Variants in MAF observed in about 807,000 individuals in gnomAD.
The protein encoded by MAF is MAF bZIP transcription factor.
In MAF, 10 loss-of-function variants were observed where a neutral mutation model predicts 22.0. The ratio of observed to expected loss-of-function variants is 0.45; its 90% CI spans 0.28 to 0.77. The LOEUF is 0.77. MAF is among the 30% of genes least tolerant of loss of function. The pLI is 0.12. For missense variants in MAF, 544 were observed against 548.4 expected (o/e 0.99, Z 0.08); for synonymous variants, 337 against 255.8 (o/e 1.32, Z -3.03).
the MAF span, among the ~76,000 whole-genome samples, chr16:79,350,527 A>T: frequency 1.3e-5 from 2 of 152,110 alleles, no homozygotes; most frequent in Non-Finnish European, 2.9e-5. Flanking sequence ...TTGCAGTTAA[A>T]CGTGATCACC....
At chr16:79,219,548 CAAAAAAAAAAAAA>C in the MAF span, among the ~76,000 whole-genome samples, 9 of 64,710 alleles carry the variant, frequency 1.4e-4, no homozygotes, top group Admixed American at 9.9e-4. Context: ...GACTCTGCCT[CAAAAAAAAAAAAA>C]AAAAAAAAAA....
chr16:79,219,506 G>C, the MAF span, among the ~76,000 whole-genome samples: 1 of 133,492 alleles, frequency 7.5e-6, no homozygotes, highest in Non-Finnish European at 1.5e-5. Flanking sequence ...AGCGGACATC[G>C]CGCCACTGCA....
the MAF span, chr16:79,203,596 A>C: frequency 6.6e-6 from 1 of 151,928 alleles, no homozygotes; most frequent in Non-Finnish European, 1.5e-5. Flanking sequence ...ATCTAAACAA[A>C]CAGCTTGTTT....
the MAF span, among the ~76,000 whole-genome samples, chr16:79,251,505 C>T: frequency 4.6e-5 from 7 of 151,956 alleles, no homozygotes; most frequent in African/African-American, 9.7e-5. Context: ...TTAGTAGAGA[C>T]GGGATTTCAC....
chr16:79,598,578 TGG>T (rs757541754), intron 1 of MAF: 6 of 1,293,800 alleles, frequency 4.6e-6, no homozygotes, highest in East Asian at 3.8e-5. Context: ...GAGCAGGGTG[TGG>T]GGTGTGTGTG....
the MAF span, among the ~76,000 whole-genome samples, chr16:79,365,757 T>A: frequency 7.1e-6 from 1 of 140,452 alleles, no homozygotes; most frequent in African/African-American, 3.0e-5. Context: ...AGGCCAAATA[T>A]CTCATGGGGT....
At chr16:79,496,338 A>C in the MAF span, among the ~76,000 whole-genome samples, 2 of 152,222 alleles carry the variant, frequency 1.3e-5, no homozygotes, top group African/African-American at 4.8e-5. Flanking sequence ...AAAAGACTCA[A>C]AAAGGGCTTC....
At chr16:79,241,154 T>C in the MAF span, among the ~76,000 whole-genome samples, 57 of 152,152 alleles carry the variant, frequency 3.7e-4, no homozygotes, top group Admixed American at 1.0e-3. Context: ...ATCACAACTC[T>C]TCCCCAGCAA....
the MAF span, among the ~76,000 whole-genome samples, chr16:79,434,577 G>A: frequency 1.3e-5 from 2 of 151,702 alleles, no homozygotes; most frequent in East Asian, 1.9e-4. Context: ...CATATGTTAT[G>A]TTATAGATTA....
chr16:79,273,907 A>G, the MAF span, among the ~76,000 whole-genome samples: 1 of 147,214 alleles, frequency 6.8e-6, no homozygotes, highest in Non-Finnish European at 1.5e-5. Flanking sequence ...CCATAGCTGG[A>G]GGTCTGCAGA....
the MAF span, among the ~76,000 whole-genome samples, chr16:79,496,410 G>C: frequency 1.3e-5 from 2 of 152,262 alleles, no homozygotes; most frequent in South Asian, 4.1e-4. Context: ...AAATCAGCAG[G>C]CTTAGAACTG....
chr16:79,566,026 T>C, the MAF span, among the ~76,000 whole-genome samples: 1 of 152,222 alleles, frequency 6.6e-6, no homozygotes, highest in East Asian at 1.9e-4. Context: ...TGGGCCACTC[T>C]GATCCTCCTG....
chr16:79,375,020 T>G, the MAF span, among the ~76,000 whole-genome samples: 4 of 152,334 alleles, frequency 2.6e-5, no homozygotes, highest in South Asian at 8.3e-4. Context: ...TGGCCAGGAT[T>G]ATCTTCTTAC....
At chr16:79,565,228 A>G in the MAF span, among the ~76,000 whole-genome samples, 2 of 152,164 alleles carry the variant, frequency 1.3e-5, no homozygotes, top group Non-Finnish European at 1.5e-5. Flanking sequence ...ACCCGGCCCA[A>G]TTACCTGTTT....
At chr16:79,446,757 A>C in the MAF span, among the ~76,000 whole-genome samples, 13 of 152,138 alleles carry the variant, frequency 8.5e-5, no homozygotes, top group Admixed American at 5.9e-4. Flanking sequence ...TAAAAAAAAA[A>C]AATTAGCCGA....
chr16:79,323,396 C>A, the MAF span, among the ~76,000 whole-genome samples: 1 of 151,906 alleles, frequency 6.6e-6, no homozygotes, highest in African/African-American at 2.4e-5. Context: ...GGTTGTTTTT[C>A]ATTTTTTAAA....
chr16:79,264,051 A>G, the MAF span, among the ~76,000 whole-genome samples: 6 of 152,208 alleles, frequency 3.9e-5, no homozygotes, highest in Admixed American at 3.9e-4. Context: ...CTGTGTCTGT[A>G]AATGGAGAAG....
At chr16:79,411,748 C>T in the MAF span, among the ~76,000 whole-genome samples, 1 of 152,226 alleles carries the variant, frequency 6.6e-6, no homozygotes, top group Non-Finnish European at 1.5e-5. Flanking sequence ...CAGGCTTTTC[C>T]TCTTGCTGCT....
chr16:79,292,643 C>A, the MAF span, among the ~76,000 whole-genome samples: 1 of 152,078 alleles, frequency 6.6e-6, no homozygotes, highest in African/African-American at 2.4e-5. Flanking sequence ...GAGGTTGAGA[C>A]CTATGGGGCT....
Sources: gnomAD v4.1 joint callset for allele counts (sites outside exome capture counted in the v4.1 genomes callset) on GRCh38, gnomAD v4.1.1 for gene constraint, MANE v1.5 for transcripts, NCBI Gene and HGNC (gene_info 2026-07-23, HGNC 2026-07-21) for gene names.